Variants in SHISA9 observed in about 807,000 individuals in gnomAD.
SHISA9 encodes the protein protein shisa-9.
A neutral mutation model predicts 38.0 loss-of-function variants in SHISA9; 13 were observed. That is an observed-to-expected ratio of 0.34 (90% confidence interval 0.22 to 0.54). The LOEUF is 0.54. Among genes scored for constraint, SHISA9 ranks in the 20% least tolerant of loss-of-function variants. SHISA9 has a pLI of 0.91. For missense variants in SHISA9, 538 were observed against 575.8 expected, an observed-to-expected ratio of 0.93 and a Z score of 0.67; for synonymous variants, 275 against 242.0, an observed-to-expected ratio of 1.14 and a Z score of -1.27.
chr16:13,436,546 C>T, the SHISA9 span, among the ~76,000 whole-genome samples: 1 of 152,200 alleles, frequency 6.6e-6, no homozygotes, highest in African/African-American at 2.4e-5. Flanking sequence ...CAATCAGCAG[C>T]TCTCAGGGGC....
At chr16:13,476,247 C>A in the SHISA9 span, among the ~76,000 whole-genome samples, 1 of 152,188 alleles carries the variant, frequency 6.6e-6, no homozygotes, top group Non-Finnish European at 1.5e-5. Context: ...CTGAAACTCA[C>A]CAGATCATCA....
intron 2 of SHISA9, among the ~76,000 whole-genome samples, chr16:13,097,694 A>G (rs540018332): frequency 1.3e-5 from 2 of 152,278 alleles, no homozygotes; most frequent in East Asian, 1.9e-4. Flanking sequence ...GGGAGTCACC[A>G]TGCCTGGCCT....
intron 2 of SHISA9, among the ~76,000 whole-genome samples, chr16:13,007,634 C>G (rs2072615404): frequency 6.6e-6 from 1 of 152,232 alleles, no homozygotes; most frequent in African/African-American, 2.4e-5. Flanking sequence ...CAAGGCCCAT[C>G]ATGAACCATC....
chr16:13,175,430 A>G (rs932871517), intron 2 of SHISA9, among the ~76,000 whole-genome samples: 2 of 152,170 alleles, frequency 1.3e-5, no homozygotes, highest in African/African-American at 2.4e-5. Context: ...CCTATGTTCC[A>G]GAGATGCTAT....
At chr16:13,489,583 A>T in the SHISA9 span, among the ~76,000 whole-genome samples, 2 of 152,158 alleles carry the variant, frequency 1.3e-5, no homozygotes, top group Non-Finnish European at 2.9e-5. Context: ...AATAAGTCTC[A>T]TGAGATCTGA....
chr16:13,473,884 G>A, the SHISA9 span, among the ~76,000 whole-genome samples: 1 of 152,094 alleles, frequency 6.6e-6, no homozygotes, highest in Non-Finnish European at 1.5e-5. Flanking sequence ...AATGCCTGGA[G>A]ATGCAACATC....
the SHISA9 span, among the ~76,000 whole-genome samples, chr16:13,434,416 T>C: frequency 1.2e-5 from 1 of 82,274 alleles, no homozygotes; most frequent in Non-Finnish European, 2.6e-5. Context: ...TTAGACAAGC[T>C]ATGTTTTTTT....
chr16:13,195,311 T>C (rs991268120), intron 2 of SHISA9, among the ~76,000 whole-genome samples: 1 of 152,132 alleles, frequency 6.6e-6, no homozygotes. Context: ...ACAATTGAAA[T>C]AGTTTCCGAT....
chr16:13,149,185 A>C (rs1159167233), intron 2 of SHISA9, among the ~76,000 whole-genome samples: 1 of 152,292 alleles, frequency 6.6e-6, no homozygotes, highest in African/African-American at 2.4e-5. Flanking sequence ...CAACATCTGA[A>C]AAATGATCCT....
rs373716269 is a variant in SHISA9 at position 12,908,531 on chromosome 16, G to A, written c.563+5904G>A. On this transcript the variant is annotated intron_variant, in intron 1 of 4. Transcript: ENST00000558583. ...GGCACAGATTTCTTTCCAAGAGGACGAACCTGCCCCTGGAGAGTGGAGTGT... is the reference window on the plus strand; with the variant it reads ...GGCACAGATTTCTTTCCAAGAGGACAAACCTGCCCCTGGAGAGTGGAGTGT... The A allele has an allele frequency of 3.7e-4, 578 of 1,551,996 alleles. 5 individuals are homozygous for A. The South Asian group carries it at 4.9e-3, about 13-fold the overall frequency.
the SHISA9 span, among the ~76,000 whole-genome samples, chr16:13,557,100 C>A: frequency 2.9e-4 from 44 of 152,204 alleles, no homozygotes; most frequent in African/African-American, 1.1e-3. Flanking sequence ...AGTAAGTGTT[C>A]AATAAATATT....
At chr16:12,973,339 G>T (rs1467189324) in intron 2 of SHISA9, among the ~76,000 whole-genome samples, 1 of 152,194 alleles carries the variant, frequency 6.6e-6, no homozygotes, top group African/African-American at 2.4e-5. Flanking sequence ...ATTCTTCAGG[G>T]AAATAGAAAG....
intron 2 of SHISA9, among the ~76,000 whole-genome samples, chr16:13,040,555 G>T (rs181215494): frequency 2.5e-3 from 386 of 152,204 alleles, no homozygotes; most frequent in African/African-American, 8.5e-3. Flanking sequence ...TCACTCATTT[G>T]CATGTTTTCA....
intron 2 of SHISA9, among the ~76,000 whole-genome samples, chr16:13,164,589 G>C (rs1451043030): frequency 6.6e-6 from 1 of 152,056 alleles, no homozygotes; most frequent in Non-Finnish European, 1.5e-5. Flanking sequence ...ACTAGAAGCT[G>C]AGGTCATTCC....
At chr16:12,985,877 G>T (rs557394475) in intron 2 of SHISA9, among the ~76,000 whole-genome samples, 3 of 152,286 alleles carry the variant, frequency 2.0e-5, no homozygotes, top group Admixed American at 6.5e-5. Context: ...CTAAGAGTTT[G>T]TATCCTGCTT....
the SHISA9 span, among the ~76,000 whole-genome samples, chr16:13,423,173 G>C: frequency 6.6e-6 from 1 of 152,180 alleles, no homozygotes; most frequent in Admixed American, 6.5e-5. Flanking sequence ...TGGCATCCAG[G>C]AGCCCCAGAG....
At chr16:13,294,605 A>G in the SHISA9 span, among the ~76,000 whole-genome samples, 1 of 152,234 alleles carries the variant, frequency 6.6e-6, no homozygotes, top group African/African-American at 2.4e-5. Flanking sequence ...TGTTATGTGC[A>G]TAGACTTCCC....
the SHISA9 span, chr16:13,563,014 C>G: frequency 1.3e-5 from 2 of 152,078 alleles, no homozygotes; most frequent in African/African-American, 2.4e-5. Flanking sequence ...GCGTGTTAAT[C>G]GTGTTTCTCT....
the SHISA9 span, among the ~76,000 whole-genome samples, chr16:13,517,713 T>TCC: frequency 6.6e-6 from 1 of 152,144 alleles, no homozygotes; most frequent in Admixed American, 6.5e-5. Flanking sequence ...GAGAAGGACC[T>TCC]CAGATTCTAT....
Sources: gnomAD v4.1 joint callset for allele counts (sites outside exome capture counted in the v4.1 genomes callset) on GRCh38, gnomAD v4.1.1 for gene constraint, MANE v1.5 for transcripts, NCBI Gene and HGNC (gene_info 2026-07-23, HGNC 2026-07-21) for gene names.